The following TCP11L2 variants were observed in gnomAD, a reference collection of about 807,000 sequenced individuals.
TCP11L2 encodes t-complex 11 like 2.
TCP11L2 carries 39 observed loss-of-function variants against 50.7 expected under a neutral mutation model. The ratio of observed to expected loss-of-function variants is 0.77; its 90% CI spans 0.60 to 1.01. The LOEUF (loss-of-function observed/expected upper bound fraction) is 1.01, where lower values mean the gene tolerates loss of function less well. TCP11L2 is among the 50% of genes least tolerant of loss of function. The probability of loss-of-function intolerance (pLI) is 0.00; values close to 1 mark genes in which losing one functional copy is unlikely to be tolerated. For synonymous variants in TCP11L2, 192 were observed against 219.3 expected (o/e 0.88, Z 1.10); for missense variants, 612 against 614.7 (o/e 1.00, Z 0.05).
At chr12:106,312,189 C>G (rs146996477) in intron 2 of TCP11L2, 1 of 382,030 alleles carries the variant, frequency 2.6e-6, no homozygotes, top group African/African-American at 2.1e-5. Context: ...TTTATGAATA[C>G]TTATTACTTT....
chr12:106,333,180 G>GACAATAT (rs1231683850), intron 6 of TCP11L2, among the ~76,000 whole-genome samples: 1 of 152,136 alleles, frequency 6.6e-6, no homozygotes, highest in Admixed American at 6.5e-5. Context: ...TCCTGATTTT[G>GACAATAT]ACAATATACT....
At chr12:106,318,864 C>A (rs2035207170) in intron 4 of TCP11L2, among the ~76,000 whole-genome samples, 2 of 151,932 alleles carry the variant, frequency 1.3e-5, no homozygotes, top group Admixed American at 1.3e-4. Context: ...GCTCATGCCA[C>A]CATGCCTGGC....
At chr12:106,298,482 G>A (rs2034376204), upstream of TCP11L2, among the ~76,000 whole-genome samples, 2 of 152,178 alleles carry the variant, frequency 1.3e-5, no homozygotes, top group Admixed American at 1.3e-4. Context: ...GAGAAAAGAA[G>A]TGGGATTCCT....
chr12:106,301,651 T>C (rs142927576), upstream of TCP11L2, among the ~76,000 whole-genome samples: 665 of 152,344 alleles, frequency 4.4e-3, 9 homozygotes, highest in South Asian at 0.026. Context: ...AATACTTTAG[T>C]CTATACAAAC....
chr12:106,329,487 C>G, intron 6 of TCP11L2: 1 of 1,510,780 alleles, frequency 6.6e-7, no homozygotes, highest in Non-Finnish European at 8.8e-7. Context: ...CTTTACCGGT[C>G]ATTCTCAAGT....
chr12:106,346,616 C>T lies in TCP11L2; in HGVS notation c.*86C>T, dbSNP rs2036242816. ...CATTGATGGCATTAGAGATCCAGCACATTCTCAGTACTGTGGTGCAGTATT... is the reference window on the plus strand; with the variant it reads ...CATTGATGGCATTAGAGATCCAGCATATTCTCAGTACTGTGGTGCAGTATT... On this transcript the variant is annotated 3_prime_UTR_variant, in exon 10 of 10. Coordinates refer to ENST00000299045, the MANE Select transcript of TCP11L2 (RefSeq NM_152772.3). 6.6e-7 allele frequency: 1 copy of T among 1,513,486 alleles called. No individual in the cohort carries two copies. The highest frequency in any genetic ancestry group is 2.0e-5 in the Admixed American group (1 of 50,278). The allele number at this position is 1,513,486 out of a possible 1,614,324, so 93.8% of individuals were successfully genotyped here.
At chr12:106,304,469 C>G (rs528811899) in intron 1 of TCP11L2, among the ~76,000 whole-genome samples, 1 of 152,330 alleles carries the variant, frequency 6.6e-6, no homozygotes, top group South Asian at 2.1e-4. Context: ...TTTTGCTTTG[C>G]TGTGGATGAA....
chr12:106,328,284 G>A (rs1430381386), intron 6 of TCP11L2, among the ~76,000 whole-genome samples: 2 of 152,218 alleles, frequency 1.3e-5, no homozygotes, highest in African/African-American at 2.4e-5. Flanking sequence ...CATGGCTTAC[G>A]CCTGTAATCC....
intron 6 of TCP11L2, 66 bp downstream of exon 6, chr12:106,323,712 T>TTTAAATTAAA (rs140996881): frequency 4.4e-6 from 2 of 458,232 alleles, no homozygotes; most frequent in Non-Finnish European, 7.1e-6. Context: ...AATGTTAAAA[T>TTTAAATTAAA]TTAAATTAAA....
chr12:106,332,560 G>C (rs796759820), intron 6 of TCP11L2, among the ~76,000 whole-genome samples: 6 of 152,180 alleles, frequency 3.9e-5, no homozygotes, highest in African/African-American at 1.4e-4. Context: ...GGTCTGCTCA[G>C]GCTACCATAA....
At chr12:106,327,425 T>C (rs2035592633) in intron 6 of TCP11L2, among the ~76,000 whole-genome samples, 1 of 152,062 alleles carries the variant, frequency 6.6e-6, no homozygotes, top group South Asian at 2.1e-4. Flanking sequence ...AACTACTGGC[T>C]TCTTCCTGCC....
At chr12:106,322,574 G>A (rs1000902312) in intron 5 of TCP11L2, among the ~76,000 whole-genome samples, 8 of 152,198 alleles carry the variant, frequency 5.3e-5, no homozygotes, top group South Asian at 2.1e-4. Flanking sequence ...CTACATAGAC[G>A]ATAACTTCCT....
intron 6 of TCP11L2, among the ~76,000 whole-genome samples, chr12:106,327,627 C>T (rs908127021): frequency 6.6e-6 from 1 of 152,180 alleles, no homozygotes; most frequent in Non-Finnish European, 1.5e-5. Flanking sequence ...TCAAGAGTCC[C>T]AGAAGCAGAG....
At chr12:106,299,219 A>C (rs2034380088), upstream of TCP11L2, among the ~76,000 whole-genome samples, 1 of 152,140 alleles carries the variant, frequency 6.6e-6, no homozygotes, top group Non-Finnish European at 1.5e-5. Flanking sequence ...AGTGCAGTGA[A>C]AATTACTCTT....
chr12:106,318,285 T>G, intron 3 of TCP11L2, 59 bp from the exon 4 acceptor site: 1 of 1,575,336 alleles, frequency 6.3e-7, no homozygotes, highest in Admixed American at 1.8e-5. Flanking sequence ...AGGATGTTTC[T>G]TTTATAATCA....
In TCP11L2 at chr12:106,321,537, T is replaced by G; in HGVS notation, c.466T>G (p.Cys156Gly). Residue 156 changes from cysteine to glycine, a missense_variant, in exon 5 of 10, where the codon TGT (cysteine) becomes GGT (glycine). By Grantham distance (159) the Cys-to-Gly change is radical (BLOSUM62 -3). Coordinates refer to ENST00000299045, the MANE Select transcript of TCP11L2 (RefSeq NM_152772.3). ...TGGCAACCGGCTTCGCAACCAAATC[T>G]GTGAAGTTTTGGACACAGACCTCAT... ...PGGNRLRNQI[C>G]EVLDTDLIRQ... 6.2e-7 allele frequency: 1 copy of G among 1,614,216 alleles called. No individual in the cohort carries two copies. The highest frequency in any genetic ancestry group is 1.7e-5 in the Admixed American group (1 of 60,026).
rs151299219 is a variant in TCP11L2 at position 106,339,013 on chromosome 12, C to T, written c.1143-1813C>T. Among the ~76,000 whole-genome samples the T allele has an allele frequency of 4.7e-3, 716 of 152,264 alleles. 9 individuals are homozygous for T. Among genetic ancestry groups the T allele is most frequent in the African/African-American group, 0.017 (690 of 41,546 alleles). On this transcript the variant is annotated intron_variant, in intron 8 of 9. Transcript: ENST00000299045. ...AAAAATAATTAGCCGAGCATGGTGG[C>T]GCATGCCTGTAGTCCCAGCTACTCA...
chr12:106,345,810 G>T (rs1480640545), intron 9 of TCP11L2, among the ~76,000 whole-genome samples: 1 of 152,216 alleles, frequency 6.6e-6, no homozygotes, highest in East Asian at 1.9e-4. Flanking sequence ...GTTCAGCTGT[G>T]ACTCAGGATG....
chr12:106,345,909 CT>C (rs1335124930), intron 9 of TCP11L2, among the ~76,000 whole-genome samples: 1 of 152,116 alleles, frequency 6.6e-6, no homozygotes, highest in African/African-American at 2.4e-5. Context: ...GATGGAACAG[CT>C]GGGTTTCCCT....
Sources: allele counts gnomAD v4.1 joint callset (sites outside exome capture counted in the v4.1 genomes callset), GRCh38; gene constraint gnomAD v4.1.1; transcripts MANE v1.5; gene names NCBI Gene and HGNC (gene_info 2026-07-23, HGNC 2026-07-21).